The following SVIL variants were observed in gnomAD, a reference collection of about 807,000 sequenced individuals.
SVIL encodes archvillin.
Under a neutral mutation model 240.4 loss-of-function variants are expected in SVIL, and 101 were observed. The ratio of observed to expected loss-of-function variants is 0.42; its 90% CI spans 0.36 to 0.50. The LOEUF is 0.50. SVIL is among the 20% of genes least tolerant of loss of function. SVIL has a pLI of 0.01. For missense variants in SVIL, 2,512 were observed against 2,818.7 expected (o/e 0.89, Z 2.46); for synonymous variants, 999 against 1,100.0 (o/e 0.91, Z 1.82).
rs532657582 is a variant in SVIL, at chr10:29,526,793, G to A, written c.2342+168C>T. ...TGTTTTCCCACGCACGCCAGCATGT[G>A]GTTATCAGCACCTTGTGCTATGACA... On this transcript the variant is annotated intron_variant, in intron 13 of 37. Transcript: ENST00000355867. Among the ~76,000 whole-genome samples the A allele has an allele frequency of 1.6e-3, 251 of 152,324 alleles. 13 individuals are homozygous for A. In the South Asian group the frequency reaches 0.05, roughly 30 times the overall value.
intron 1 of SVIL, among the ~76,000 whole-genome samples, chr10:29,600,400 C>G (rs929139818): frequency 4.6e-5 from 7 of 152,160 alleles, no homozygotes; most frequent in Non-Finnish European, 1.0e-4. Flanking sequence ...TGCCCCTCAC[C>G]ACACCCAGAC....
At chr10:29,620,156 C>A (rs185115350) in intron 1 of SVIL, among the ~76,000 whole-genome samples, 48 of 152,180 alleles carry the variant, frequency 3.2e-4, no homozygotes, top group Admixed American at 1.3e-3. Flanking sequence ...TAAAAATTAT[C>A]ATTGCACACA....
At position 29,523,971 on chromosome 10, in the gene SVIL, G is replaced by T. The variant is rs558236640; in HGVS notation, c.2643C>A (p.Thr881=). The change falls in exon 15 of 38, where the codon ACC becomes ACA. Residue 881 remains threonine, a synonymous_variant. Transcript: ENST00000355867. ...ACATTGGAGCAACCGTGGATGCTAC[G>T]GTAGACACTGATGTGTTCACGGCAG... ...FSPAVNTSVS[T]VASTVAPMYA... The T allele has an allele frequency of 1.9e-6, 3 of 1,614,062 alleles. No individual in the cohort carries two copies. The highest frequency in any genetic ancestry group is 1.7e-5 in the Admixed American group (1 of 59,994).
chr10:29,529,941 A>T (rs1265044219), intron 11 of SVIL, 97 bp from the exon 12 acceptor site: 1 of 1,302,206 alleles, frequency 7.7e-7, no homozygotes, highest in Non-Finnish European at 1.0e-6. Flanking sequence ...GAGGCTAAGG[A>T]GGGAAGATTG....
chr10:29,501,812 A>G (rs934740678), intron 17 of SVIL, among the ~76,000 whole-genome samples: 6 of 152,214 alleles, frequency 3.9e-5, no homozygotes, highest in African/African-American at 1.4e-4. Context: ...GCTTGGCTTC[A>G]AATATTTCCA....
chr10:29,633,527 T>C (rs1434902282), intron 1 of SVIL, among the ~76,000 whole-genome samples: 3 of 152,024 alleles, frequency 2.0e-5, no homozygotes, highest in African/African-American at 7.2e-5. Flanking sequence ...CCCCCTAGGG[T>C]TGCCACACTA....
Position 29,484,782 on chromosome 10 carries a change from T to C in SVIL, c.4829A>G (p.Glu1610Gly). The C allele has an allele frequency of 6.2e-7, 1 of 1,613,706 alleles. No individual in the cohort carries two copies. The highest frequency in any genetic ancestry group is 2.2e-5 in the East Asian group (1 of 44,862). Residue 1610 changes from glutamate to glycine, a missense_variant, in exon 27 of 38, where the codon GAA (glutamate) becomes GGA (glycine). By Grantham distance (98) the Glu-to-Gly change is moderately conservative. Around this residue, in one of 3 missense-constraint regions of SVIL, gnomAD observed 797 missense variants for 925.3 expected, o/e 0.86. Coordinates refer to ENST00000355867, the MANE Select transcript of SVIL (RefSeq NM_021738.3). This position sits in a 1 kb window ranked among gnomAD's most constrained non-coding sequence, Gnocchi z 4.7. Reference sequence around the variant, plus strand: ...TATTTTTCGTTGTGCTAATGTGACTTCTTTCCCATGCCATACGTAAACTTC... The same window carrying C: ...TATTTTTCGTTGTGCTAATGTGACTCCTTTCCCATGCCATACGTAAACTTC... ...GSEVYVWHGK[E>G]VTLAQRKIAF...
chr10:29,549,470 C>T (rs1953022264), intron 6 of SVIL, among the ~76,000 whole-genome samples: 1 of 121,688 alleles, frequency 8.2e-6, no homozygotes, highest in Non-Finnish European at 1.8e-5. Context: ...GTGGCGAAAC[C>T]TCAGGGATCT....
At chr10:29,619,607 C>T (rs1282367958) in intron 1 of SVIL, among the ~76,000 whole-genome samples, 4 of 146,988 alleles carry the variant, frequency 2.7e-5, no homozygotes, top group South Asian at 4.3e-4. Flanking sequence ...TGATGAGCTT[C>T]GTGGCAATAT....
intron 1 of SVIL, among the ~76,000 whole-genome samples, chr10:29,604,222 C>A (rs1345207756): frequency 2.8e-5 from 4 of 144,772 alleles, no homozygotes; most frequent in Non-Finnish European, 6.0e-5. Context: ...TTTTTTGAGA[C>A]AGAGTTTTGC....
chr10:29,553,375 T>C (rs1324348131), intron 5 of SVIL, among the ~76,000 whole-genome samples: 3 of 152,032 alleles, frequency 2.0e-5, no homozygotes, highest in Non-Finnish European at 2.9e-5. Flanking sequence ...GGTCAGGAGT[T>C]CGAGACCAGC....
chr10:29,684,432 C>T (rs546075130), intron 2 of SVIL, among the ~76,000 whole-genome samples: 4 of 151,788 alleles, frequency 2.6e-5, no homozygotes, highest in South Asian at 4.2e-4. Context: ...TCCAGAAAGG[C>T]GGGACAACTT....
chr10:29,731,001 T>C (rs918719431), intron 1 of SVIL, among the ~76,000 whole-genome samples: 2 of 152,316 alleles, frequency 1.3e-5, no homozygotes, highest in Non-Finnish European at 2.9e-5. Flanking sequence ...TTTAAGGACA[T>C]GTACGTAAAA....
At chr10:29,599,965 A>C (rs1300752163) in intron 1 of SVIL, among the ~76,000 whole-genome samples, 1 of 151,948 alleles carries the variant, frequency 6.6e-6, no homozygotes, top group African/African-American at 2.4e-5. Flanking sequence ...CCCACAAAAG[A>C]ACCAATAAAA....
At chr10:29,590,284 C>T (rs1419200086) in intron 1 of SVIL, among the ~76,000 whole-genome samples, 1 of 151,838 alleles carries the variant, frequency 6.6e-6, no homozygotes, top group East Asian at 1.9e-4. Context: ...CGTGGCTCCC[C>T]AATTAAGTAA....
intron 1 of SVIL, among the ~76,000 whole-genome samples, chr10:29,590,066 C>A (rs1956325249): frequency 7.0e-6 from 1 of 142,298 alleles, no homozygotes; most frequent in African/African-American, 2.7e-5. Context: ...ACTCAGGAGG[C>A]TGAGGCAGAG....
chr10:29,683,580 G>T (rs1445084663), intron 2 of SVIL, among the ~76,000 whole-genome samples: 1 of 152,156 alleles, frequency 6.6e-6, no homozygotes, highest in African/African-American at 2.4e-5. Context: ...GATGGCTGAG[G>T]GGCTTAGAAT....
At chr10:29,675,046 T>C (rs1960094783) in intron 2 of SVIL, among the ~76,000 whole-genome samples, 1 of 152,144 alleles carries the variant, frequency 6.6e-6, no homozygotes, top group Non-Finnish European at 1.5e-5. Flanking sequence ...TAACTGAACA[T>C]ATTCACAGCT....
chr10:29,577,569 T>C (rs903899615), intron 1 of SVIL, among the ~76,000 whole-genome samples: 3 of 152,260 alleles, frequency 2.0e-5, no homozygotes, highest in African/African-American at 7.2e-5. Flanking sequence ...CACATTTTCT[T>C]TATCCACTTG....
Sources: gnomAD v4.1 joint callset for allele counts (sites outside exome capture counted in the v4.1 genomes callset) on GRCh38, gnomAD v4.1.1 for gene constraint, gnomAD v4.1.1 regional missense constraint, Gnocchi (gnomAD v3.1) non-coding constraint, MANE v1.5 for transcripts, NCBI Gene and HGNC (gene_info 2026-07-23, HGNC 2026-07-21) for gene names.